Variants in TRNT1 observed in about 807,000 individuals in gnomAD.
TRNT1 encodes tRNA nucleotidyl transferase 1.
In TRNT1, 44 loss-of-function variants were observed where a neutral mutation model predicts 45.6. That is an observed-to-expected ratio of 0.97 (90% CI 0.76 to 1.24). The LOEUF (loss-of-function observed/expected upper bound fraction) is 1.24. Among genes scored for constraint, TRNT1 ranks in the 50% most tolerant of loss-of-function variants. The pLI, the probability that TRNT1 is intolerant of heterozygous loss-of-function variation, is 0.00. For missense variants in TRNT1, 633 were observed against 504.4 expected, an observed-to-expected ratio of 1.25 and a Z score of -2.44; for synonymous variants, 201 against 171.4, an observed-to-expected ratio of 1.17 and a Z score of -1.35.
chr3:3,147,391 G>T (rs1706114027), intron 6 of TRNT1, 59 bp from the exon 7 acceptor site: 1 of 1,588,124 alleles, frequency 6.3e-7, no homozygotes, highest in South Asian at 1.1e-5. Context: ...CAAGGTTTAG[G>T]ATATGAGTGG....
At chr3:3,137,910 T>C (rs1486839944) in intron 3 of TRNT1, among the ~76,000 whole-genome samples, 1 of 152,272 alleles carries the variant, frequency 6.6e-6, no homozygotes, top group Non-Finnish European at 1.5e-5. Context: ...ACATTTCTTC[T>C]ATTGGCATGT....
Position 3,144,651 on chromosome 3 carries a change from T to G in TRNT1, c.549T>G (p.Phe183Leu), listed in dbSNP as rs774353592. The change falls in exon 5 of 8, where the codon TTT becomes TTG. Residue 183 changes from phenylalanine (F) to leucine (L), a missense_variant. Phe to Leu is a conservative substitution (Grantham distance 22, BLOSUM62 0). Coordinates refer to ENST00000251607, the MANE Select transcript of TRNT1 (RefSeq NM_182916.3). The stretch of plus-strand genomic sequence containing the variant: ...ATTTAAAAAATAAGAAAGTTAGATT[T>G]GTTGGACATGCTAAACAGAGAATAC... Reference protein sequence around the residue: ...YEDLKNKKVRFVGHAKQRIQE... With the variant: ...YEDLKNKKVRLVGHAKQRIQE... The G allele has an allele frequency of 5.7e-6, 9 of 1,582,472 alleles. No individual in the cohort carries two copies. The East Asian group carries it at 2.0e-4, about 36-fold the overall frequency.
At chr3:3,149,584 A>T (rs568562926), downstream of TRNT1, 4 of 148,862 alleles carry the variant, frequency 2.7e-5, no homozygotes, top group Admixed American at 2.7e-4. Context: ...TGGAGTAAGT[A>T]AGTTTTAGTG....
chr3:3,133,578 A>G (rs1172910263), intron 2 of TRNT1, among the ~76,000 whole-genome samples: 1 of 150,822 alleles, frequency 6.6e-6, no homozygotes, highest in Non-Finnish European at 1.5e-5. Flanking sequence ...ATGAGAGACT[A>G]TTTTTCTGTC....
chr3:3,129,705 T>C (rs114741127), intron 2 of TRNT1, among the ~76,000 whole-genome samples: 2,449 of 152,370 alleles, frequency 0.016, 20 homozygotes, highest in Non-Finnish European at 0.022. Context: ...CTGTATGCTG[T>C]GCTAAGTACT....
At chr3:3,129,326 C>T (rs994866128) in intron 2 of TRNT1, 138 bp downstream of exon 2, 2 of 827,234 alleles carry the variant, frequency 2.4e-6, no homozygotes, top group African/African-American at 3.4e-5. Context: ...TAGAGGGTCT[C>T]TTTGTGTTGC....
chr3:3,139,978 C>G (rs1350828407), intron 3 of TRNT1, among the ~76,000 whole-genome samples: 1 of 152,180 alleles, frequency 6.6e-6, no homozygotes, highest in East Asian at 1.9e-4. Flanking sequence ...ATCTGCCTGC[C>G]TTGACCTCCC....
chr3:3,136,369 G>T (rs1398488993), intron 2 of TRNT1, among the ~76,000 whole-genome samples: 1 of 152,174 alleles, frequency 6.6e-6, no homozygotes, highest in African/African-American at 2.4e-5. Context: ...ACATATAGAG[G>T]AGTCAGCTAT....
Position 3,129,070 on chromosome 3 carries a change from G to T in TRNT1, c.30G>T (p.Arg10Ser). Reference sequence around the variant, plus strand: ...TGAGGTGCCTGTATCATTGGCACAGGCCAGTGCTGAACCGTAGGTGGAGTA... The same window carrying T: ...TGAGGTGCCTGTATCATTGGCACAGTCCAGTGCTGAACCGTAGGTGGAGTA... MLRCLYHWH[R>S]PVLNRRWSRL... Residue 10 changes from arginine to serine, a missense_variant, in exon 2 of 8, where the codon AGG becomes AGT. Arg to Ser is a moderately radical substitution (Grantham distance 110). Coordinates refer to ENST00000251607, the MANE Select transcript of TRNT1 (RefSeq NM_182916.3). 2 of 1,613,954 alleles carry T rather than the reference G, an allele frequency of 1.2e-6. No individual in the cohort carries two copies. Among genetic ancestry groups the T allele is most frequent in the Non-Finnish European group, 1.7e-6 (2 of 1,179,894 alleles).
chr3:3,153,242 T>C (rs927349900), downstream of TRNT1: 9 of 559,286 alleles, frequency 1.6e-5, no homozygotes, highest in Admixed American at 9.4e-5. Context: ...CTGACATGCA[T>C]TGTTGCTCTG....
chr3:3,152,626 A>C (rs1170114933), downstream of TRNT1: 2 of 1,613,164 alleles, frequency 1.2e-6, no homozygotes, highest in Admixed American at 3.3e-5. Flanking sequence ...CGTCAAAACG[A>C]GAAGTCTAAT....
At chr3:3,137,883 T>C (rs1478784781) in intron 3 of TRNT1, among the ~76,000 whole-genome samples, 1 of 152,240 alleles carries the variant, frequency 6.6e-6, no homozygotes, top group Non-Finnish European at 1.5e-5. Flanking sequence ...AGCCAGATTG[T>C]GGAGTATATT....
At chr3:3,149,229 T>C (rs1473418723), downstream of TRNT1, 1 of 152,136 alleles carries the variant, frequency 6.6e-6, no homozygotes, top group Non-Finnish European at 1.5e-5. Context: ...AATGACTGCA[T>C]ACAGGTCAGT....
rs752782220 is a variant in TRNT1 at position 3,147,490 on chromosome 3, C to T, written c.843C>T (p.Val281=). 1.9e-6 allele frequency: 3 copies of T among 1,613,700 alleles called. No homozygotes were observed. Among genetic ancestry groups the T allele is most frequent in the Middle Eastern group, 1.7e-4 (1 of 6,042 alleles). ...CAAGTTTAGAAGAATTTGACAAAGT[C>T]AGTAAAAATGTTGATGGTTTTTCAC... ...ANASLEEFDK[V]SKNVDGFSPK... The change falls in exon 7 of 8, where the codon GTC becomes GTT. Residue 281 remains valine (V), a synonymous_variant. Transcript: ENST00000251607.
rs753464075 is a variant in TRNT1, at chr3:3,146,537, G to C, written c.716G>C (p.Trp239Ser). The C allele has an allele frequency of 6.8e-6, 11 of 1,613,998 alleles. No individual in the cohort carries two copies. The highest frequency in any genetic ancestry group is 8.5e-6 in the Non-Finnish European group (10 of 1,179,940). ...GLAGISGERI[W>S]VELKKILVGN... ...GCTGGAATATCAGGAGAAAGGATTT[G>C]GGTGGAACTGAAAAAAATTCTTGTT... Residue 239 changes from tryptophan to serine, a missense_variant, in exon 6 of 8, where the codon TGG (tryptophan) becomes TCG (serine). By Grantham distance (177) the Trp-to-Ser change is radical. Transcript: ENST00000251607.
rs762873423 is a variant in TRNT1 at position 3,144,640 on chromosome 3, A to T, written c.538A>T (p.Lys180Ter). Residue 180 changes from lysine (K) to a stop codon, truncating the protein, a stop_gained, in exon 5 of 8, where the codon AAA (lysine) becomes TAA (stop). Transcript: ENST00000251607. LOFTEE classifies it high-confidence loss of function. ...FNGYEDLKNK[K>*]VRFVGHAKQR... is the part of the protein sequence containing the mutation. ...TGGTTATGAAGATTTAAAAAATAAG[A>T]AAGTTAGATTTGTTGGACATGCTAA... 6.9e-6 allele frequency: 11 copies of T among 1,586,662 alleles called. No homozygotes were observed. The Admixed American group carries it at 1.7e-4, about 25-fold the overall frequency.
In TRNT1 at chr3:3,146,523, A is replaced by T. The variant is rs1368671416; in HGVS notation, c.702A>T (p.Ser234=). ...ATGCAAAAGGCTTGGCTGGAATATCAGGAGAAAGGATTTGGGTGGAACTGA... is the reference window on the plus strand; with the variant it reads ...ATGCAAAAGGCTTGGCTGGAATATCTGGAGAAAGGATTTGGGTGGAACTGA... ...AENAKGLAGI[S]GERIWVELKK... Residue 234 remains serine, a synonymous_variant, in exon 6 of 8, where the codon TCA becomes TCT. Transcript: ENST00000251607. The T allele has an allele frequency of 3.1e-6, 5 of 1,614,070 alleles. No individual in the cohort carries two copies. The highest frequency in any genetic ancestry group is 4.2e-6 in the Non-Finnish European group (5 of 1,179,966).
chr3:3,152,583 A>ATAAAC (rs768599757), downstream of TRNT1: 1 of 1,614,094 alleles, frequency 6.2e-7, no homozygotes, highest in Admixed American at 1.7e-5. Context: ...CCACATAAGG[A>ATAAAC]TAAACTAAAA....
intron 2 of TRNT1, chr3:3,129,643 C>T: frequency 1.7e-6 from 1 of 571,566 alleles, no homozygotes; most frequent in Non-Finnish European, 3.1e-6. Flanking sequence ...AAAAATATAG[C>T]TAAATCACTG....
Sources: gnomAD v4.1 joint callset for allele counts (sites outside exome capture counted in the v4.1 genomes callset) on GRCh38, gnomAD v4.1.1 for gene constraint, MANE v1.5 for transcripts, NCBI Gene and HGNC (gene_info 2026-07-23, HGNC 2026-07-21) for gene names.